COL22A1: variants seen among roughly 807,000 people sequenced by gnomAD.
COL22A1 encodes collagen alpha-1(XXII) chain.
In COL22A1, 221 loss-of-function variants were observed where a neutral mutation model predicts 248.9. The ratio of observed to expected loss-of-function variants is 0.89; its 90% CI spans 0.80 to 0.99. The LOEUF (loss-of-function observed/expected upper bound fraction) is 0.99. Among genes scored for constraint, COL22A1 ranks in the 50% least tolerant of loss-of-function variants. The pLI, the probability that COL22A1 is intolerant of heterozygous loss-of-function variation, is 0.00. For missense variants in COL22A1, 2,240 were observed against 2,179.0 expected, an observed-to-expected ratio of 1.03 and a Z score of -0.56; for synonymous variants, 891 against 793.4, an observed-to-expected ratio of 1.12 and a Z score of -2.07.
At chr8:138,794,879 T>C (rs1816366792) in intron 12 of COL22A1, among the ~76,000 whole-genome samples, 1 of 151,416 alleles carries the variant, frequency 6.6e-6, no homozygotes, top group Non-Finnish European at 1.5e-5. Context: ...AATTAAAGAG[T>C]AGAAAAGTAG....
chr8:138,739,302 A>G (rs369128329), intron 22 of COL22A1, among the ~76,000 whole-genome samples: 2 of 152,246 alleles, frequency 1.3e-5, no homozygotes, highest in African/African-American at 4.8e-5. Context: ...TGCCAAATGC[A>G]TTCCAAACTG....
chr8:138,715,772 C>T, intron 29 of COL22A1, 37 bp from the exon 30 acceptor site: 1 of 1,484,424 alleles, frequency 6.7e-7, no homozygotes, highest in Non-Finnish European at 9.3e-7. Flanking sequence ...CATTAGAACC[C>T]AAACCGAGCT....
chr8:138,761,963 CT>C (rs1833520563), intron 17 of COL22A1, among the ~76,000 whole-genome samples: 1 of 152,178 alleles, frequency 6.6e-6, no homozygotes, highest in African/African-American at 2.4e-5. Context: ...TTGCAGACCC[CT>C]CACATCAGTG....
At chr8:138,891,654 A>C (rs955572979) in intron 1 of COL22A1, among the ~76,000 whole-genome samples, 1 of 152,194 alleles carries the variant, frequency 6.6e-6, no homozygotes, top group African/African-American at 2.4e-5. Flanking sequence ...GAAGGATTCA[A>C]TCCCAAACAA....
At chr8:138,684,308 G>C in intron 39 of COL22A1, 117 bp downstream of exon 39, 1 of 775,468 alleles carries the variant, frequency 1.3e-6, no homozygotes, top group South Asian at 1.4e-5. Flanking sequence ...GGAACACGAT[G>C]AGCTGAGAAA....
intron 12 of COL22A1, among the ~76,000 whole-genome samples, chr8:138,781,779 A>G (rs1815031747): frequency 6.6e-6 from 1 of 151,966 alleles, no homozygotes; most frequent in Non-Finnish European, 1.5e-5. Flanking sequence ...CCTGCCTGAG[A>G]TCTCCCCGCC....
intron 1 of COL22A1, among the ~76,000 whole-genome samples, chr8:138,912,916 T>C (rs1310426111): frequency 6.6e-6 from 1 of 152,146 alleles, no homozygotes; most frequent in Non-Finnish European, 1.5e-5. Flanking sequence ...AGTCTTGCCT[T>C]GAGTGGGGAG....
chr8:138,872,310 C>T (rs1218650315), intron 3 of COL22A1, among the ~76,000 whole-genome samples: 2 of 152,036 alleles, frequency 1.3e-5, no homozygotes, highest in South Asian at 2.1e-4. Flanking sequence ...ACCACACATC[C>T]GGAGAGAGAA....
intron 23 of COL22A1, among the ~76,000 whole-genome samples, chr8:138,735,905 G>T (rs1831071048): frequency 6.6e-6 from 1 of 152,170 alleles, no homozygotes; most frequent in Non-Finnish European, 1.5e-5. Context: ...CGGACAGTGT[G>T]ACCGCCACCC....
intron 5 of COL22A1, among the ~76,000 whole-genome samples, chr8:138,831,953 A>C (rs1490618015): frequency 6.6e-6 from 1 of 152,144 alleles, no homozygotes; most frequent in Non-Finnish European, 1.5e-5. Context: ...AAGTCACAAG[A>C]TGAGGTAGGA....
rs146148034 is a variant in COL22A1, at chr8:138,650,226, G to A, written c.3334-448C>T. Among the ~76,000 whole-genome samples, 1,368 of 152,300 alleles carry A rather than the reference G, an allele frequency of 9.0e-3. 63 individuals are homozygous for A. The highest frequency in any genetic ancestry group is 0.079 in the Admixed American group (1,214 of 15,298). ...TGAATTCTCTGTTCTGCATTTGCCC[G>A]TCAAGTGGTTTCTGAACAAGGAAGA... On this transcript the variant is annotated intron_variant, in intron 45 of 64. Transcript: ENST00000303045.
chr8:138,763,935 T>C (rs1833716492), intron 16 of COL22A1, among the ~76,000 whole-genome samples: 1 of 152,336 alleles, frequency 6.6e-6, no homozygotes, highest in East Asian at 1.9e-4. Context: ...GTGCGTTCAC[T>C]CTTGGTTCTT....
At chr8:138,716,938 T>C in intron 27 of COL22A1, 69 bp from the exon 28 acceptor site, 2 of 1,177,530 alleles carry the variant, frequency 1.7e-6, no homozygotes, top group Non-Finnish European at 2.6e-6. Context: ...CATTTCCCAG[T>C]TGTCCTCACA....
chr8:138,779,703 G>A, intron 13 of COL22A1, 141 bp from the exon 14 acceptor site: 1 of 619,262 alleles, frequency 1.6e-6, no homozygotes, highest in Non-Finnish European at 3.0e-6. Flanking sequence ...AGTGAGCAGG[G>A]CCCGGGCTCC....
intron 7 of COL22A1, among the ~76,000 whole-genome samples, chr8:138,820,257 G>C (rs966863627): frequency 1.3e-5 from 2 of 152,170 alleles, no homozygotes; most frequent in Admixed American, 1.3e-4. Flanking sequence ...GTTTTGGAAA[G>C]AGCTTTCCCC....
chr8:138,636,356 G>A (rs1426110013), intron 48 of COL22A1, among the ~76,000 whole-genome samples: 5 of 151,686 alleles, frequency 3.3e-5, no homozygotes, highest in Admixed American at 3.3e-4. Flanking sequence ...CTAGCAGCAA[G>A]AGAGCCAGGC....
chr8:138,659,334 A>G lies in COL22A1; in HGVS notation c.3285+1102T>C, dbSNP rs11992386. Among the ~76,000 whole-genome samples, 767 of 152,280 alleles carry G rather than the reference A, an allele frequency of 5.0e-3. 10 individuals are homozygous for G. Among genetic ancestry groups the G allele is most frequent in the African/African-American group, 0.018 (731 of 41,574 alleles). On this transcript the variant is annotated intron_variant, in intron 44 of 64. Coordinates refer to ENST00000303045, the MANE Select transcript of COL22A1 (RefSeq NM_152888.3). ...CAACTGAGATAAGGGATGGGGGGTC[A>G]TCCACACCCACAGGGACATCTGAGC...
At chr8:138,898,952 C>T (rs565745207) in intron 1 of COL22A1, among the ~76,000 whole-genome samples, 5 of 152,146 alleles carry the variant, frequency 3.3e-5, no homozygotes, top group African/African-American at 7.2e-5. Context: ...AAACCTGATA[C>T]GTTGTCACAG....
chr8:138,659,952 G>A (rs1823631899), intron 44 of COL22A1, among the ~76,000 whole-genome samples: 1 of 152,236 alleles, frequency 6.6e-6, no homozygotes, highest in Admixed American at 6.5e-5. Context: ...TTAGGGATCT[G>A]CAATGGGTGC....
Sources: allele counts gnomAD v4.1 joint callset (sites outside exome capture counted in the v4.1 genomes callset), GRCh38; gene constraint gnomAD v4.1.1; transcripts MANE v1.5; gene names NCBI Gene and HGNC (gene_info 2026-07-23, HGNC 2026-07-21).